CEBPZ: variants seen among roughly 807,000 people sequenced by gnomAD.
CEBPZ encodes CCAAT enhancer binding protein zeta, also known as CCAAT/enhancer-binding protein zeta.
In CEBPZ, 78 loss-of-function variants were observed where a neutral mutation model predicts 104.5. That is an observed-to-expected ratio of 0.75 (90% CI 0.62 to 0.90). The LOEUF (loss-of-function observed/expected upper bound fraction) is 0.90, where lower values mean the gene tolerates loss of function less well. Ranked by LOEUF, CEBPZ falls within the 40% of genes least tolerant of loss-of-function variation. CEBPZ has a pLI of 0.00. For synonymous variants in CEBPZ, 470 were observed against 427.0 expected (o/e 1.10, Z -1.24); for missense variants, 1,439 against 1,233.5 (o/e 1.17, Z -2.50).
chr2:37,209,220 A>T (rs1258725561), intron 13 of CEBPZ: 1 of 152,156 alleles, frequency 6.6e-6, no homozygotes, highest in Admixed American at 6.6e-5. Flanking sequence ...CCATACTGCC[A>T]AAAGCAATCT....
intron 13 of CEBPZ, 192 bp from the exon 14 acceptor site, chr2:37,203,200 A>G: frequency 2.4e-6 from 1 of 420,708 alleles, no homozygotes; most frequent in Non-Finnish European, 4.2e-6. Flanking sequence ...AAAGCTAACA[A>G]CATCCTAATA....
At chr2:37,227,515 T>A (rs992094712) in intron 2 of CEBPZ, 29 bp downstream of exon 2, 13 of 1,553,128 alleles carry the variant, frequency 8.4e-6, no homozygotes, top group Admixed American at 1.9e-5. Context: ...TATTATTTCA[T>A]GTCTCATATT....
In CEBPZ at chr2:37,217,846, G is replaced by A. The variant is rs575675126; in HGVS notation, c.2155-809C>T. Among the ~76,000 whole-genome samples, 7 of 148,988 alleles carry A rather than the reference G, an allele frequency of 4.7e-5. No homozygotes were observed. The South Asian group carries it at 1.3e-3, about 27-fold the overall frequency. Reference sequence around the variant, plus strand: ...GAACCTGGGAGGCGGAACTTGGAGTGAGCCGAGATCGCGCCACTGCACTCT... The same window carrying A: ...GAACCTGGGAGGCGGAACTTGGAGTAAGCCGAGATCGCGCCACTGCACTCT... On this transcript the variant is annotated intron_variant, in intron 5 of 15. Transcript: ENST00000234170.
intron 10 of CEBPZ, chr2:37,212,737 T>C: frequency 4.1e-6 from 1 of 244,634 alleles, no homozygotes; most frequent in Non-Finnish European, 7.9e-6. Flanking sequence ...ATAGGTGTGA[T>C]ACAATATGTA....
At position 37,231,481 on chromosome 2, in the gene CEBPZ, A is replaced by T; in HGVS notation, c.87T>A (p.Asp29Glu). ...TCTCGGCTTCACTAGTATTATCCTC[A>T]TCCTCCTCGTCCGGATCTTCTACTG... ...EEAVEDPDEE[D>E]EDNTSEAENG... Residue 29 changes from aspartate (D) to glutamate (E), a missense_variant, in exon 1 of 16, where the codon GAT becomes GAA. Transcript: ENST00000234170. 2 of 1,613,920 alleles carry T rather than the reference A, an allele frequency of 1.2e-6. No homozygotes were observed. Among genetic ancestry groups the T allele is most frequent in the Non-Finnish European group, 1.7e-6 (2 of 1,179,892 alleles).
intron 2 of CEBPZ, among the ~76,000 whole-genome samples, chr2:37,224,692 TG>T (rs1188062422): frequency 3.3e-5 from 5 of 152,024 alleles, no homozygotes; most frequent in African/African-American, 4.8e-5. Flanking sequence ...TATCATTTCA[TG>T]AAATATTTTC....
chr2:37,201,724 G>A lies in CEBPZ; in HGVS notation c.*40C>T, dbSNP rs769726729. ...AAACATGGTTGAACAGCAAAAATTA[G>A]ATGTAAGTAGAATTTTAATCTATAA... On this transcript the variant is annotated 3_prime_UTR_variant, in exon 16 of 16. Coordinates refer to ENST00000234170, the MANE Select transcript of CEBPZ (RefSeq NM_005760.3). 1.1e-5 allele frequency: 13 copies of A among 1,175,474 alleles called. No homozygotes were observed. Among genetic ancestry groups the A allele is most frequent in the Non-Finnish European group, 1.5e-5 (12 of 801,976 alleles). 72.8% of individuals were successfully genotyped at this position (1,175,474 alleles called of 1,614,324 possible). A position where few individuals can be genotyped will look rare whatever the true frequency, so the allele number is the denominator to read the frequency against.
At chr2:37,215,631 T>C (rs1007922140) in intron 8 of CEBPZ, 3 of 152,980 alleles carry the variant, frequency 2.0e-5, no homozygotes, top group Non-Finnish European at 4.4e-5. Flanking sequence ...AGATCTGGTA[T>C]GCAAAGAAAT....
In CEBPZ at chr2:37,216,342, C is replaced by T. The variant is rs1280496713; in HGVS notation, c.2285G>A (p.Arg762Gln). 26 of 1,613,554 alleles carry T rather than the reference C, an allele frequency of 1.6e-5. No homozygotes were observed. The highest frequency in any genetic ancestry group is 2.2e-5 in the East Asian group (1 of 44,812). ...LMRFLDRFVYRNPKPHKGKEN... is the reference protein window; with the variant it reads ...LMRFLDRFVYQNPKPHKGKEN... The stretch of plus-strand genomic sequence containing the variant: ...TTTGCCTTTATGGGGCTTTGGATTT[C>T]GGTATACAAATCGATCCAAAAATCT... The change falls in exon 7 of 16, where the codon CGA becomes CAA. Residue 762 changes from arginine (R) to glutamine (Q), a missense_variant. Transcript: ENST00000234170.
chr2:37,210,017 T>A (rs190542413), intron 13 of CEBPZ: 1 of 152,208 alleles, frequency 6.6e-6, no homozygotes, highest in African/African-American at 2.4e-5. Flanking sequence ...AAGAAACATA[T>A]GAAGAAATGC....
chr2:37,202,173 C>G (rs889695124), intron 15 of CEBPZ: 6 of 245,692 alleles, frequency 2.4e-5, no homozygotes, highest in African/African-American at 1.4e-4. Context: ...AAATAAAAAC[C>G]AGTAACAATC....
rs745424156 is a variant in CEBPZ at position 37,222,408 on chromosome 2, A to G, written c.2037T>C (p.Ala679=). The change falls in exon 4 of 16, where the codon GCT becomes GCC. Residue 679 remains alanine, a synonymous_variant. Transcript: ENST00000234170. ...TCAAATTATCAAAGTGCACCCAGGA[A>G]GCAACCTCTGGTTTTTTGGTTTCTA... ...TDVETKKPEV[A]SWVHFDNLKG... The G allele has an allele frequency of 5.0e-6, 8 of 1,595,046 alleles. No homozygotes were observed. The African/African-American group carries it at 1.1e-4, about 22-fold the overall frequency.
chr2:37,227,995 TG>T lies in CEBPZ; in HGVS notation c.1197del (p.Thr400GlnfsTer7). On this transcript the variant is annotated frameshift_variant, in exon 2 of 16. Coordinates refer to ENST00000234170, the MANE Select transcript of CEBPZ (RefSeq NM_005760.3). LOFTEE classifies it high-confidence loss of function. ...GTCTCTAACAGATGGGATGCTTTTG[TG>T]GCAATTCTGTTCTGAGGATCTCCCA... ...NKLGDPQNRI[A>X]TKASHLLETL... 2 of 1,614,192 alleles carry T rather than the reference TG, an allele frequency of 1.2e-6. No individual in the cohort carries two copies. Among genetic ancestry groups the T allele is most frequent in the Non-Finnish European group, 1.7e-6 (2 of 1,180,020 alleles).
Position 37,211,826 on chromosome 2 carries a change from T to C in CEBPZ, c.2800+17A>G, listed in dbSNP as rs1677728217. 6.4e-7 allele frequency: 1 copy of C among 1,557,034 alleles called. No individual in the cohort carries two copies. ...TGAGGAAGACACAGTTTATGTCTTA[T>C]TTTAAAAAATGCTTACCTGGAACGC... is the stretch of plus-strand genomic sequence containing the variant. On this transcript the variant is annotated intron_variant, in intron 12 of 15. Transcript: ENST00000234170.
chr2:37,214,039 C>T, intron 9 of CEBPZ, 78 bp from the exon 10 acceptor site: 1 of 667,514 alleles, frequency 1.5e-6, no homozygotes, highest in Non-Finnish European at 2.3e-6. Context: ...CACCTATGAC[C>T]AGTGGCAAAC....
intron 2 of CEBPZ, among the ~76,000 whole-genome samples, chr2:37,223,715 C>A (rs917219492): frequency 1.3e-5 from 2 of 152,186 alleles, no homozygotes; most frequent in Non-Finnish European, 2.9e-5. Context: ...TACAGAACCC[C>A]ACCAGAAAAG....
In CEBPZ at chr2:37,228,695, G is replaced by A; in HGVS notation, c.498C>T (p.Ile166=). 6.2e-7 allele frequency: 1 copy of A among 1,614,132 alleles called. No individual in the cohort carries two copies. The change falls in exon 2 of 16, where the codon ATC becomes ATT. Residue 166 remains isoleucine (I), a synonymous_variant. Coordinates refer to ENST00000234170, the MANE Select transcript of CEBPZ (RefSeq NM_005760.3). ...TPKVKKDKQN[I]FEFFERQTLL... ...AAGTCTGTCTCTCAAAAAATTCAAA[G>A]ATGTTCTGTTTATCTTTCTTTACTT...
At chr2:37,213,813 A>T (rs1269161886) in intron 10 of CEBPZ, 51 bp downstream of exon 10, 1 of 1,243,118 alleles carries the variant, frequency 8.0e-7, no homozygotes, top group Non-Finnish European at 1.2e-6. Context: ...TCCATGGTCT[A>T]TTAACACATA....
intron 11 of CEBPZ, 80 bp from the exon 12 acceptor site, chr2:37,212,119 G>T: frequency 8.2e-7 from 1 of 1,219,254 alleles, no homozygotes; most frequent in Non-Finnish European, 1.1e-6. Context: ...AGGGCAGTAG[G>T]CTATTAAATG....
Sources: gnomAD v4.1 joint callset for allele counts (sites outside exome capture counted in the v4.1 genomes callset) on GRCh38, gnomAD v4.1.1 for gene constraint, MANE v1.5 for transcripts, NCBI Gene and HGNC (gene_info 2026-07-23, HGNC 2026-07-21) for gene names.